OR56A3: variants seen among roughly 807,000 people sequenced by gnomAD.
The protein encoded by OR56A3 is olfactory receptor 56A3.
A neutral mutation model predicts 17.5 loss-of-function variants in OR56A3; 23 were observed. That is an observed-to-expected ratio of 1.32 (90% CI 0.95 to 1.87). The LOEUF (loss-of-function observed/expected upper bound fraction) is 1.87. Among genes scored for constraint, OR56A3 ranks in the 40% most tolerant of loss-of-function variants. OR56A3 has a pLI of 0.00. For missense variants in OR56A3, 366 were observed against 380.1 expected (o/e 0.96, Z 0.31); for synonymous variants, 175 against 150.6 (o/e 1.16, Z -1.19).
the OR56A3 span, among the ~76,000 whole-genome samples, chr11:5,958,883 T>C: frequency 2.6e-5 from 4 of 152,240 alleles, no homozygotes. Context: ...AATGTAATGT[T>C]TGTCTTCCTG....
the OR56A3 span, among the ~76,000 whole-genome samples, chr11:5,957,013 A>G: frequency 6.6e-6 from 1 of 152,136 alleles, no homozygotes; most frequent in African/African-American, 2.4e-5. Flanking sequence ...AATTAGCCAG[A>G]CATGGTGGCT....
At chr11:5,971,722 C>G in the OR56A3 span, among the ~76,000 whole-genome samples, 1 of 152,170 alleles carries the variant, frequency 6.6e-6, no homozygotes. Context: ...ACAGAAGTAA[C>G]AGTGATCAGA....
the OR56A3 span, among the ~76,000 whole-genome samples, chr11:5,979,957 A>G: frequency 6.6e-6 from 1 of 152,142 alleles, no homozygotes; most frequent in African/African-American, 2.4e-5. Flanking sequence ...CAAATCATTC[A>G]GGAACAGATT....
chr11:6,002,725 A>C, the OR56A3 span: 1 of 1,614,226 alleles, frequency 6.2e-7, no homozygotes, highest in East Asian at 2.2e-5. Context: ...CTGAGGTCAA[A>C]CCAGAAGATG....
At chr11:5,968,356 T>A in the OR56A3 span, 95 of 1,613,208 alleles carry the variant, frequency 5.9e-5, no homozygotes, top group Non-Finnish European at 8.1e-5. Flanking sequence ...ATCAGAAGGG[T>A]GGCATTGGCC....
the OR56A3 span, chr11:5,986,977 C>T: frequency 5.7e-6 from 9 of 1,566,352 alleles, no homozygotes; most frequent in South Asian, 5.9e-5. Flanking sequence ...AATGGGGCAA[C>T]CATCATCCTG....
downstream of OR56A3, among the ~76,000 whole-genome samples, chr11:5,953,997 G>T (rs183533441): frequency 6.6e-6 from 1 of 152,036 alleles, no homozygotes; most frequent in African/African-American, 2.4e-5. Context: ...AGTCCTGGCC[G>T]CAAAGAGCTC....
At chr11:6,012,107 A>G in the OR56A3 span, among the ~76,000 whole-genome samples, 103,371 of 152,154 alleles carry the variant, frequency 0.68, 35,436 homozygotes, top group East Asian at 0.94. Context: ...TTTCAGCCCT[A>G]TTTCTGTTAC....
chr11:5,943,241 C>A (rs1483794210), intron 1 of OR56A3: 3 of 152,078 alleles, frequency 2.0e-5, no homozygotes, highest in Non-Finnish European at 2.9e-5. Context: ...AAATAATCCT[C>A]CCATGTAATC....
At chr11:5,946,869 T>C (rs1847873011) in intron 2 of OR56A3, among the ~76,000 whole-genome samples, 1 of 152,232 alleles carries the variant, frequency 6.6e-6, no homozygotes, top group Non-Finnish European at 1.5e-5. Flanking sequence ...TAGGGACATT[T>C]ATCTGAGTCC....
the OR56A3 span, among the ~76,000 whole-genome samples, chr11:5,977,912 A>G: frequency 2.0e-5 from 3 of 152,152 alleles, no homozygotes; most frequent in East Asian, 5.8e-4. Context: ...TCCAGTTTCA[A>G]TCTTCTGCAT....
chr11:5,994,758 G>T, the OR56A3 span: 1 of 765,626 alleles, frequency 1.3e-6, no homozygotes, highest in Non-Finnish European at 2.4e-6. Flanking sequence ...TGAGCCCTCT[G>T]GTCCTCAAAG....
At chr11:5,969,909 AATGAT>A in the OR56A3 span, among the ~76,000 whole-genome samples, 1 of 137,038 alleles carries the variant, frequency 7.3e-6, no homozygotes, top group African/African-American at 2.9e-5. Context: ...GTATAAATAT[AATGAT>A]AGTGATATAA....
At chr11:5,985,137 C>A in the OR56A3 span, among the ~76,000 whole-genome samples, 1 of 151,974 alleles carries the variant, frequency 6.6e-6, no homozygotes, top group African/African-American at 2.4e-5. Flanking sequence ...CTATGTTTAC[C>A]AACACCGGGA....
At chr11:5,986,290 C>T in the OR56A3 span, 14 of 1,613,862 alleles carry the variant, frequency 8.7e-6, no homozygotes, top group Admixed American at 1.7e-5. Context: ...CCCATAAGCT[C>T]GATTGACTGT....
the OR56A3 span, among the ~76,000 whole-genome samples, chr11:6,011,847 C>T: frequency 3.9e-5 from 6 of 152,290 alleles, no homozygotes; most frequent in South Asian, 4.1e-4. Flanking sequence ...GCTGCTGCCA[C>T]GGGCAGACAG....
chr11:5,986,891 A>G, the OR56A3 span: 1 of 1,613,792 alleles, frequency 6.2e-7, no homozygotes, highest in Non-Finnish European at 8.5e-7. Flanking sequence ...AGCATTATCA[A>G]TGGCTTGGAG....
At chr11:6,011,190 AGAG>A in the OR56A3 span, among the ~76,000 whole-genome samples, 4 of 142,938 alleles carry the variant, frequency 2.8e-5, no homozygotes, top group East Asian at 4.6e-4. Context: ...TGTGCTTTTG[AGAG>A]GAGATTTATT....
the OR56A3 span, chr11:6,002,962 G>A: frequency 1.2e-6 from 2 of 1,613,990 alleles, no homozygotes; most frequent in African/African-American, 1.3e-5. Context: ...TCAGAGACTG[G>A]GGCAGTGGAG....
Sources: gnomAD v4.1 joint callset for allele counts (sites outside exome capture counted in the v4.1 genomes callset) on GRCh38, gnomAD v4.1.1 for gene constraint, MANE v1.5 for transcripts, NCBI Gene and HGNC (gene_info 2026-07-23, HGNC 2026-07-21) for gene names.